Variants in KLF12 observed in about 807,000 individuals in gnomAD.
KLF12 encodes KLF transcription factor 12.
In KLF12, 9 loss-of-function variants were observed where a neutral mutation model predicts 37.8. That is an observed-to-expected ratio of 0.24 (90% CI 0.14 to 0.42). KLF12 has a LOEUF of 0.42. Ranked by LOEUF, KLF12 falls within the 10% of genes least tolerant of loss-of-function variation. The pLI is 1.00. For missense variants in KLF12, 411 were observed against 516.0 expected (o/e 0.80, Z 1.97); for synonymous variants, 208 against 202.1 (o/e 1.03, Z -0.25).
intron 1 of KLF12, among the ~76,000 whole-genome samples, chr13:74,104,893 C>T (rs966103321): frequency 3.4e-4 from 52 of 152,046 alleles, no homozygotes; most frequent in Non-Finnish European, 4.4e-5. Context: ...GTTAGGTTCC[C>T]CCCTCCCCCG....
intron 6 of KLF12, among the ~76,000 whole-genome samples, chr13:73,737,916 CCAA>C (rs1413297677): frequency 6.6e-6 from 1 of 151,396 alleles, no homozygotes; most frequent in African/African-American, 2.4e-5. Flanking sequence ...TGACTGTAAA[CCAA>C]CAACATCAAA....
chr13:74,285,451 C>T, the KLF12 span, among the ~76,000 whole-genome samples: 40 of 152,124 alleles, frequency 2.6e-4, no homozygotes, highest in African/African-American at 9.2e-4. Flanking sequence ...GTATAATGGC[C>T]GACTAAGCTC....
At chr13:74,044,045 T>C (rs1230653559) in intron 1 of KLF12, among the ~76,000 whole-genome samples, 5 of 152,208 alleles carry the variant, frequency 3.3e-5, no homozygotes, top group African/African-American at 1.2e-4. Context: ...GTCAGAATAT[T>C]AATACAAACT....
At chr13:74,226,806 C>T in the KLF12 span, among the ~76,000 whole-genome samples, 1 of 152,122 alleles carries the variant, frequency 6.6e-6, no homozygotes, top group Admixed American at 6.5e-5. Context: ...AACTTTCATT[C>T]CTCAACATTC....
At chr13:73,895,277 AGATCC>A (rs1887709244) in intron 3 of KLF12, among the ~76,000 whole-genome samples, 1 of 152,214 alleles carries the variant, frequency 6.6e-6, no homozygotes, top group Non-Finnish European at 1.5e-5. Context: ...TAGATACATG[AGATCC>A]TAGAACGGCT....
the KLF12 span, among the ~76,000 whole-genome samples, chr13:74,291,066 T>G: frequency 6.6e-6 from 1 of 152,204 alleles, no homozygotes; most frequent in Non-Finnish European, 1.5e-5. Flanking sequence ...TAAAAAGAAC[T>G]AGATCTAAAA....
chr13:74,198,969 C>T, the KLF12 span, among the ~76,000 whole-genome samples: 38 of 152,118 alleles, frequency 2.5e-4, no homozygotes, highest in African/African-American at 8.5e-4. Flanking sequence ...GTGGCTTAAC[C>T]AGAGCTGGAG....
intron 5 of KLF12, among the ~76,000 whole-genome samples, chr13:73,794,332 G>A (rs1700808916): frequency 6.6e-6 from 1 of 152,174 alleles, no homozygotes. Flanking sequence ...GTGATGGTAT[G>A]CGCTTGTAGT....
the KLF12 span, among the ~76,000 whole-genome samples, chr13:74,198,851 C>A: frequency 6.6e-6 from 1 of 152,138 alleles, no homozygotes; most frequent in African/African-American, 2.4e-5. Context: ...TGGAAGGAAG[C>A]CAAGACTGTA....
intron 3 of KLF12, among the ~76,000 whole-genome samples, chr13:73,927,958 A>G (rs930903932): frequency 1.2e-4 from 18 of 151,724 alleles, no homozygotes; most frequent in African/African-American, 4.4e-4. Flanking sequence ...CCCGGGTTCA[A>G]GTGATTCTCC....
At chr13:74,256,000 A>G in the KLF12 span, among the ~76,000 whole-genome samples, 1 of 152,006 alleles carries the variant, frequency 6.6e-6, no homozygotes, top group Non-Finnish European at 1.5e-5. Context: ...CTAAAAATAC[A>G]AAAAATTAGC....
intron 4 of KLF12, among the ~76,000 whole-genome samples, chr13:73,821,596 T>C (rs1184195775): frequency 6.6e-6 from 1 of 152,222 alleles, no homozygotes; most frequent in African/African-American, 2.4e-5. Context: ...ATTGTACAAA[T>C]TGTCCCATGG....
chr13:74,201,803 T>C, the KLF12 span, among the ~76,000 whole-genome samples: 1 of 152,164 alleles, frequency 6.6e-6, no homozygotes, highest in African/African-American at 2.4e-5. Flanking sequence ...ACCTGGCAAG[T>C]CAGACAATTC....
the KLF12 span, among the ~76,000 whole-genome samples, chr13:74,140,863 C>G: frequency 2.0e-5 from 3 of 152,132 alleles, no homozygotes; most frequent in African/African-American, 7.2e-5. Flanking sequence ...ACCATCCTGG[C>G]TAACATGGTG....
At chr13:73,917,427 A>C (rs1194948562) in intron 3 of KLF12, among the ~76,000 whole-genome samples, 1 of 152,172 alleles carries the variant, frequency 6.6e-6, no homozygotes, top group Non-Finnish European at 1.5e-5. Flanking sequence ...CTATGCTTAG[A>C]AATCTATTAT....
At chr13:74,198,076 GA>G in the KLF12 span, among the ~76,000 whole-genome samples, 13 of 151,964 alleles carry the variant, frequency 8.6e-5, no homozygotes, top group Non-Finnish European at 1.8e-4. Flanking sequence ...AAGAGACAAA[GA>G]AAAAAATCTC....
At chr13:74,249,955 C>G in the KLF12 span, among the ~76,000 whole-genome samples, 2 of 152,276 alleles carry the variant, frequency 1.3e-5, no homozygotes, top group East Asian at 3.9e-4. Flanking sequence ...GGTCACTCAA[C>G]AGTGTCCAAA....
At chr13:73,842,875 C>T (rs187735716) in intron 4 of KLF12, among the ~76,000 whole-genome samples, 2 of 152,244 alleles carry the variant, frequency 1.3e-5, no homozygotes, top group African/African-American at 4.8e-5. Context: ...ACTGAAATGC[C>T]CTTTCCTTTA....
intron 2 of KLF12, among the ~76,000 whole-genome samples, chr13:73,955,431 A>T (rs1012800794): frequency 2.0e-5 from 3 of 152,218 alleles, no homozygotes; most frequent in African/African-American, 7.2e-5. Context: ...GGAATACATT[A>T]ATATATAATT....
Sources: gnomAD v4.1 joint callset for allele counts (sites outside exome capture counted in the v4.1 genomes callset) on GRCh38, gnomAD v4.1.1 for gene constraint, MANE v1.5 for transcripts, NCBI Gene and HGNC (gene_info 2026-07-23, HGNC 2026-07-21) for gene names.